SDK2: variants seen among roughly 807,000 people sequenced by gnomAD.
SDK2 encodes protein sidekick-2.
A neutral mutation model predicts 253.9 loss-of-function variants in SDK2; 105 were observed. The observed-to-expected ratio is 0.41, with a 90% CI of 0.35 to 0.49. The LOEUF (loss-of-function observed/expected upper bound fraction) is 0.49. Ranked by LOEUF, SDK2 falls within the 20% of genes least tolerant of loss-of-function variation. The probability of loss-of-function intolerance (pLI) is 0.06; values close to 1 mark genes in which losing one functional copy is unlikely to be tolerated. For synonymous variants in SDK2, 1,249 were observed against 1,234.9 expected (o/e 1.01, Z -0.24); for missense variants, 2,608 against 3,003.0 (o/e 0.87, Z 3.07).
In SDK2 at chr17:73,596,301, G is replaced by A. The variant is rs1255161207; in HGVS notation, c.64+47724C>T. Among the ~76,000 whole-genome samples the A allele has an allele frequency of 3.3e-5, 5 of 152,086 alleles. No individual in the cohort carries two copies. The East Asian group carries it at 9.7e-4, about 29-fold the overall frequency. ...TATGGGGCAGTGATCAGGGCAAGGT[G>A]TCAACACACCTGGGTCCCCACTCCA... is the stretch of plus-strand genomic sequence containing the variant. On this transcript the variant is annotated intron_variant, in intron 1 of 44. Transcript: ENST00000392650.
Position 73,511,873 on chromosome 17 carries a change from G to A in SDK2, c.65-4276C>T, listed in dbSNP as rs895759644. On this transcript the variant is annotated intron_variant, in intron 1 of 44. Transcript: ENST00000392650. This position sits in a 1 kb window ranked among gnomAD's most constrained non-coding sequence, Gnocchi z 4.9. The stretch of plus-strand genomic sequence containing the variant: ...GAAGATGCTGCTGGGATAACAGAAC[G>A]TGTGGACGTGTCTATGTGTGCACGT... Among the ~76,000 whole-genome samples, 3 of 152,162 alleles carry A rather than the reference G, an allele frequency of 2.0e-5. No homozygotes were observed. Among genetic ancestry groups the A allele is most frequent in the East Asian group, 1.9e-4 (1 of 5,186 alleles).
chr17:73,536,827 C>T (rs567747573), intron 1 of SDK2, among the ~76,000 whole-genome samples: 2 of 152,276 alleles, frequency 1.3e-5, no homozygotes, highest in Non-Finnish European at 2.9e-5. Flanking sequence ...AGACTGTAGC[C>T]CCGCCTCCTT....
In SDK2 at chr17:73,575,722, GTTGAA is replaced by G. The variant is rs563567424; in HGVS notation, c.65-68130_65-68126del. 3.7e-3 allele frequency among the ~76,000 whole-genome samples: 566 copies of G among 152,366 alleles called. 1 individual carries two copies. Among genetic ancestry groups the G allele is most frequent in the African/African-American group, 8.9e-3 (369 of 41,592 alleles). On this transcript the variant is annotated intron_variant, in intron 1 of 44. Coordinates refer to ENST00000392650, the MANE Select transcript of SDK2 (RefSeq NM_001144952.2). Reference sequence around the variant, plus strand: ...TTGTCTTTGTAATTATGGAATTAAAGTTGAATAGACAATCTTTGTGCTCAAGGAGC... The same window carrying G: ...TTGTCTTTGTAATTATGGAATTAAAGTAGACAATCTTTGTGCTCAAGGAGC...
At chr17:73,594,801 TACAC>T (rs1242171183) in intron 1 of SDK2, among the ~76,000 whole-genome samples, 2 of 150,618 alleles carry the variant, frequency 1.3e-5, no homozygotes, top group East Asian at 1.9e-4. Flanking sequence ...CACACACAAA[TACAC>T]ACAGCACACA....
chr17:73,397,737 C>T (rs2062983326), intron 24 of SDK2, among the ~76,000 whole-genome samples: 1 of 152,172 alleles, frequency 6.6e-6, no homozygotes, highest in African/African-American at 2.4e-5. Flanking sequence ...GTTTTCTTAG[C>T]TGTAAATTGG....
intron 5 of SDK2, among the ~76,000 whole-genome samples, chr17:73,441,577 ACAAGCCAAGGAATGC>A (rs1429023446): frequency 6.6e-6 from 1 of 152,210 alleles, no homozygotes; most frequent in Non-Finnish European, 1.5e-5. Context: ...AGATGTGGCC[ACAAGCCAAGGAATGC>A]CAAGCATTGC....
chr17:73,509,602 C>T (rs921390121), intron 1 of SDK2, among the ~76,000 whole-genome samples: 5 of 139,578 alleles, frequency 3.6e-5, no homozygotes, highest in East Asian at 2.1e-4. Flanking sequence ...CCAGATTGGG[C>T]GACATGGTGA....
Position 73,379,256 on chromosome 17 carries a change from C to T in SDK2, c.4901G>A (p.Gly1634Asp). ...CACGTCCAGCTGTGTGGCCGTGGCG[C>T]CGTGGACGACCACGTTACGAGGTGC... ...TAAPRNVVVHGATATQLDVTW... is the reference protein window; with the variant it reads ...TAAPRNVVVHDATATQLDVTW... The change falls in exon 36 of 45, where the codon GGC becomes GAC. Residue 1634 changes from glycine (G) to aspartate (D), a missense_variant. By Grantham distance (94) the Gly-to-Asp change is moderately conservative. Transcript: ENST00000392650. This position sits in a 1 kb window ranked among gnomAD's most constrained non-coding sequence, Gnocchi z 4.5. 6.4e-7 allele frequency: 1 copy of T among 1,555,968 alleles called. No homozygotes were observed. The highest frequency in any genetic ancestry group is 2.4e-5 in the East Asian group (1 of 41,232).
rs2046103447 is a variant in SDK2, at chr17:73,619,551, A to G, written c.64+24474T>C. On this transcript the variant is annotated intron_variant, in intron 1 of 44. Transcript: ENST00000392650. ...TGGATAACCACATGCAAAAGAATGA[A>G]CCTGAACCCCTACCTCACATCATAT... Among the ~76,000 whole-genome samples, 5 of 152,318 alleles carry G rather than the reference A, an allele frequency of 3.3e-5. No individual in the cohort carries two copies. In the South Asian group the frequency reaches 6.2e-4, roughly 19 times the overall value.
chr17:73,401,599 C>T (rs2063026550), intron 20 of SDK2, 55 bp downstream of exon 20: 1 of 1,472,290 alleles, frequency 6.8e-7, no homozygotes, highest in Non-Finnish European at 9.3e-7. Context: ...TGGACCAGCT[C>T]TGACCTTTCC....
At chr17:73,414,191 G>A (rs1275580430) in intron 18 of SDK2, among the ~76,000 whole-genome samples, 2 of 151,838 alleles carry the variant, frequency 1.3e-5, no homozygotes, top group Non-Finnish European at 2.9e-5. Flanking sequence ...GGGATTACAG[G>A]CGCCCCTGCC....
In SDK2 at chr17:73,422,416, A is replaced by T. The variant is rs2063240122; in HGVS notation, c.1916T>A (p.Leu639His). 1 of 1,613,808 alleles carries T rather than the reference A, an allele frequency of 6.2e-7. No individual in the cohort carries two copies. Among genetic ancestry groups the T allele is most frequent in the African/African-American group, 1.3e-5 (1 of 74,904 alleles). The change falls in exon 15 of 45, where the codon CTC (leucine) becomes CAC (histidine). Residue 639 changes from leucine to histidine, a missense_variant. Around this residue, in one of 2 missense-constraint regions of SDK2, gnomAD observed 1,505 missense variants for 1,859.1 expected, o/e 0.81. Transcript: ENST00000392650. ...AGCTTTGGGGTCCACACTGGCCAGG[A>T]GTACAGTCCAGGGGGCATCTGCAGG... is the stretch of plus-strand genomic sequence containing the variant. ...MSENNAPWTVLLASVDPKATS... is the reference protein window; with the variant it reads ...MSENNAPWTVHLASVDPKATS...
chr17:73,468,898 C>T (rs1195609425), intron 3 of SDK2, among the ~76,000 whole-genome samples: 3 of 152,058 alleles, frequency 2.0e-5, no homozygotes, highest in African/African-American at 7.2e-5. Flanking sequence ...GATCTTGTCT[C>T]ACTGCAACCT....
intron 1 of SDK2, among the ~76,000 whole-genome samples, chr17:73,584,362 A>C: frequency 6.6e-6 from 1 of 152,166 alleles, no homozygotes; most frequent in Admixed American, 6.5e-5. Flanking sequence ...TTTTCCAATA[A>C]GGTTGTTGCT....
intron 1 of SDK2, among the ~76,000 whole-genome samples, chr17:73,602,523 C>CT (rs1165821559): frequency 0.11 from 14,902 of 140,044 alleles, 1,842 homozygotes; most frequent in African/African-American, 0.31. Context: ...AGTCTAAGTT[C>CT]TTTTTTTTTT....
chr17:73,519,046 C>T (rs754874363), intron 1 of SDK2: 2 of 152,262 alleles, frequency 1.3e-5, no homozygotes, highest in Non-Finnish European at 2.9e-5. Flanking sequence ...GACAAAGAGA[C>T]ACTGTCTTCC....
intron 32 of SDK2, among the ~76,000 whole-genome samples, 168 bp from the exon 33 acceptor site, chr17:73,384,179 G>C (rs1267049845): frequency 1.3e-5 from 2 of 152,098 alleles, no homozygotes; most frequent in Admixed American, 6.6e-5. Context: ...CTTCTGATGA[G>C]GCCATTTCAT....
chr17:73,544,934 C>CTT (rs2044932120), intron 1 of SDK2, among the ~76,000 whole-genome samples: 2 of 152,180 alleles, frequency 1.3e-5, no homozygotes, highest in Non-Finnish European at 2.9e-5. Flanking sequence ...ATTCCCTGGA[C>CTT]CTGTCTTCTG....
chr17:73,397,272 T>C (rs1384626274), intron 24 of SDK2, among the ~76,000 whole-genome samples: 2 of 152,202 alleles, frequency 1.3e-5, no homozygotes, highest in Admixed American at 6.5e-5. Context: ...GGACACGTGC[T>C]GGGAAACGAT....
Sources: gnomAD v4.1 joint callset for allele counts (sites outside exome capture counted in the v4.1 genomes callset) on GRCh38, gnomAD v4.1.1 for gene constraint, gnomAD v4.1.1 regional missense constraint, Gnocchi (gnomAD v3.1) non-coding constraint, MANE v1.5 for transcripts, NCBI Gene and HGNC (gene_info 2026-07-23, HGNC 2026-07-21) for gene names.